KAZN: variants seen among roughly 807,000 people sequenced by gnomAD.
KAZN encodes kazrin, periplakin interacting protein.
A neutral mutation model predicts 87.4 loss-of-function variants in KAZN; 40 were observed. The observed-to-expected ratio is 0.46, with a 90% CI of 0.36 to 0.60. The LOEUF is 0.60. Ranked by LOEUF, KAZN falls within the 20% of genes least tolerant of loss-of-function variation. The probability of loss-of-function intolerance (pLI) is 0.00; values close to 1 mark genes in which losing one functional copy is unlikely to be tolerated. For synonymous variants in KAZN, 466 were observed against 458.3 expected (o/e 1.02, Z -0.22); for missense variants, 898 against 1,073.9 (o/e 0.84, Z 2.29).
chr1:14,604,245 C>T (rs1294799858), intron 1 of KAZN, among the ~76,000 whole-genome samples: 1 of 152,192 alleles, frequency 6.6e-6, no homozygotes, highest in Non-Finnish European at 1.5e-5. Flanking sequence ...CCTTGAATTG[C>T]AGGCATAGTG....
intron 1 of KAZN, among the ~76,000 whole-genome samples, chr1:14,777,715 G>T (rs1645221527): frequency 6.6e-6 from 1 of 152,168 alleles, no homozygotes; most frequent in Non-Finnish European, 1.5e-5. Flanking sequence ...TAAATGGCTT[G>T]AGCTGCTTGA....
chr1:14,207,937 T>A (rs1482161451), intron 2 of KAZN, among the ~76,000 whole-genome samples: 1 of 152,222 alleles, frequency 6.6e-6, no homozygotes, highest in Admixed American at 6.5e-5. Flanking sequence ...AGAACTTGCT[T>A]TGAAGCTTTT....
chr1:14,471,757 A>T (rs1668467070), intron 2 of KAZN, among the ~76,000 whole-genome samples: 1 of 152,112 alleles, frequency 6.6e-6, no homozygotes, highest in Non-Finnish European at 1.5e-5. Context: ...AGGAAGAGAG[A>T]GCTAGGAGGA....
chr1:13,992,721 G>T (rs992828277), intron 1 of KAZN, among the ~76,000 whole-genome samples: 3 of 152,094 alleles, frequency 2.0e-5, no homozygotes, highest in African/African-American at 7.2e-5. Flanking sequence ...GGATTGACGA[G>T]CATCTTCTTT....
At chr1:14,301,978 G>A (rs933315714) in intron 2 of KAZN, among the ~76,000 whole-genome samples, 27 of 152,002 alleles carry the variant, frequency 1.8e-4, no homozygotes, top group African/African-American at 5.6e-4. Context: ...AATATCTACC[G>A]CTCCCAATTG....
intron 1 of KAZN, among the ~76,000 whole-genome samples, chr1:14,781,152 C>T (rs891493901): frequency 2.0e-5 from 3 of 152,114 alleles, no homozygotes; most frequent in African/African-American, 7.2e-5. Context: ...GAAACCCCGT[C>T]TCTACTAAAA....
chr1:14,057,027 G>T (rs1013475061), intron 1 of KAZN, among the ~76,000 whole-genome samples: 3 of 139,746 alleles, frequency 2.1e-5, no homozygotes, highest in Non-Finnish European at 4.6e-5. Flanking sequence ...CTGAGTGAAA[G>T]AGCGAGACCC....
chr1:14,571,123 T>C (rs761677886), intron 2 of KAZN, among the ~76,000 whole-genome samples: 3 of 152,184 alleles, frequency 2.0e-5, no homozygotes, highest in Admixed American at 6.6e-5. Flanking sequence ...CTTCACTATA[T>C]TTGGATTTTT....
chr1:14,824,761 G>A (rs1000974847), intron 1 of KAZN, among the ~76,000 whole-genome samples: 1 of 152,166 alleles, frequency 6.6e-6, no homozygotes, highest in African/African-American at 2.4e-5. Context: ...CCTCTCCTAT[G>A]GGGGTAGTAT....
intron 2 of KAZN, among the ~76,000 whole-genome samples, chr1:14,532,949 A>T (rs1474438667): frequency 6.6e-6 from 1 of 152,108 alleles, no homozygotes; most frequent in African/African-American, 2.4e-5. Context: ...ATGTGTCTTT[A>T]TAGCAACATG....
intron 2 of KAZN, among the ~76,000 whole-genome samples, chr1:14,218,620 C>T (rs1048942125): frequency 9.2e-5 from 14 of 152,068 alleles, no homozygotes; most frequent in South Asian, 2.1e-4. Flanking sequence ...ATAATATTTT[C>T]GGTGAACTGA....
At chr1:14,644,175 C>G (rs1680628719) in intron 1 of KAZN, among the ~76,000 whole-genome samples, 1 of 151,610 alleles carries the variant, frequency 6.6e-6, no homozygotes, top group African/African-American at 2.4e-5. Context: ...CCACGCCCAG[C>G]TACTTTTTGT....
Position 14,923,159 on chromosome 1 carries a change from G to A in KAZN, c.227-37525G>A, listed in dbSNP as rs1658734660. ...AAGGTTGCTAGCATGCTGCCTACAA[G>A]GGGAGGCTGGGGGCTCCATGAGTGT... On this transcript the variant is annotated intron_variant, in intron 1 of 14. Transcript: ENST00000376030. This position sits in a 1 kb window ranked among gnomAD's most constrained non-coding sequence, Gnocchi z 4.2. 6.6e-6 allele frequency among the ~76,000 whole-genome samples: 1 copy of A among 152,240 alleles called. No homozygotes were observed. The highest frequency in any genetic ancestry group is 2.4e-5 in the African/African-American group (1 of 41,462).
At position 15,099,655 on chromosome 1, in the gene KAZN, G is replaced by A. The variant is rs368070218; in HGVS notation, c.1548-1888G>A. On this transcript the variant is annotated intron_variant, in intron 10 of 14. Transcript: ENST00000376030. This position sits in a 1 kb window ranked among gnomAD's most constrained non-coding sequence, Gnocchi z 5.4. ...AGGGCCAGTGCAGGTGACCCTTGTG[G>A]ACCATTCAAAGGACTTGCGATTTTA... Among the ~76,000 whole-genome samples the A allele has an allele frequency of 2.4e-4, 36 of 152,286 alleles. No homozygotes were observed. The East Asian group carries it at 5.4e-3, about 23-fold the overall frequency.
At chr1:15,100,486 G>A (rs1324802195) in intron 10 of KAZN, among the ~76,000 whole-genome samples, 1 of 152,168 alleles carries the variant, frequency 6.6e-6, no homozygotes, top group African/African-American at 2.4e-5. Flanking sequence ...TCAGACCTGG[G>A]GCATTTTGCA....
chr1:14,533,047 C>G (rs1672299682), intron 2 of KAZN, among the ~76,000 whole-genome samples: 1 of 152,204 alleles, frequency 6.6e-6, no homozygotes, highest in Non-Finnish European at 1.5e-5. Context: ...AATCGCCACA[C>G]TGACTTCCAC....
intron 8 of KAZN, among the ~76,000 whole-genome samples, chr1:15,068,544 C>T (rs1384120499): frequency 6.6e-6 from 1 of 152,020 alleles, no homozygotes; most frequent in East Asian, 1.9e-4. Flanking sequence ...CGCAGACCTC[C>T]GTGGACCTCT....
rs745895349 is a variant in KAZN, at chr1:14,883,854, C to T, written c.227-76830C>T. Reference sequence around the variant, plus strand: ...CTTGTTTTCTTTAAATCATCAAACACCCCTTACGGTTTGGGATAGGAAGCT... The same window carrying T: ...CTTGTTTTCTTTAAATCATCAAACATCCCTTACGGTTTGGGATAGGAAGCT... On this transcript the variant is annotated intron_variant, in intron 1 of 14. Coordinates refer to ENST00000376030, the MANE Select transcript of KAZN (RefSeq NM_201628.3). Among the ~76,000 whole-genome samples, 3 of 152,178 alleles carry T rather than the reference C, an allele frequency of 2.0e-5. No homozygotes were observed. The East Asian group carries it at 5.8e-4, about 29-fold the overall frequency.
chr1:14,072,437 G>A (rs1570670026), intron 1 of KAZN, among the ~76,000 whole-genome samples: 1 of 152,006 alleles, frequency 6.6e-6, no homozygotes, highest in African/African-American at 2.4e-5. Context: ...ATGTTGGCTG[G>A]GGATTTCACC....
Sources: gnomAD v4.1 joint callset for allele counts (sites outside exome capture counted in the v4.1 genomes callset) on GRCh38, gnomAD v4.1.1 for gene constraint, Gnocchi (gnomAD v3.1) non-coding constraint, MANE v1.5 for transcripts, NCBI Gene and HGNC (gene_info 2026-07-23, HGNC 2026-07-21) for gene names.